GNG7: variants seen among roughly 807,000 people sequenced by gnomAD.
GNG7 encodes the protein guanine nucleotide-binding protein G(I)/G(S)/G(O) subunit gamma-7.
In GNG7, 1 loss-of-function variant was observed where a neutral mutation model predicts 4.0. That is an observed-to-expected ratio of 0.25 (90% CI 0.09 to 1.18). The LOEUF is 1.18. Among genes scored for constraint, GNG7 ranks in the 50% most tolerant of loss-of-function variants. The pLI is 0.50. For missense variants in GNG7, 86 were observed against 91.9 expected (o/e 0.94, Z 0.26); for synonymous variants, 34 against 36.9 (o/e 0.92, Z 0.29).
At chr19:2,696,645 C>T (rs756758931) in intron 1 of GNG7, among the ~76,000 whole-genome samples, 12 of 152,230 alleles carry the variant, frequency 7.9e-5, no homozygotes. Context: ...AGGGTCGAGG[C>T]TCTGACGCAG....
At chr19:2,648,027 C>CAAAA (rs56125421) in intron 1 of GNG7, among the ~76,000 whole-genome samples, 13 of 64,454 alleles carry the variant, frequency 2.0e-4, no homozygotes, top group Non-Finnish European at 2.8e-4. Context: ...GACCCTGTCT[C>CAAAA]AAAAAAAAAA....
intron 2 of GNG7, among the ~76,000 whole-genome samples, chr19:2,638,446 G>GGGGGAGGGAA (rs1982380944): frequency 2.7e-5 from 1 of 36,698 alleles, no homozygotes; most frequent in Non-Finnish European, 6.0e-5. Flanking sequence ...AGGGGAGGGG[G>GGGGGAGGGAA]AGGGGAGGGG....
In GNG7 at chr19:2,634,730, C is replaced by T. The variant is rs1375413997; in HGVS notation, c.-78+11494G>A. Among the ~76,000 whole-genome samples the T allele has an allele frequency of 1.3e-5, 2 of 152,110 alleles. No homozygotes were observed. Among genetic ancestry groups the T allele is most frequent in the African/African-American group, 2.4e-5 (1 of 41,412 alleles). On this transcript the variant is annotated intron_variant, in intron 2 of 4. Coordinates refer to ENST00000382159, the MANE Select transcript of GNG7 (RefSeq NM_052847.3). The surrounding 1 kb of genome is among the most constrained non-coding windows in gnomAD (Gnocchi z 5.3). The stretch of plus-strand genomic sequence containing the variant: ...TGTCCGCGAAAAGAACTGATAATAA[C>T]GTGAATTTCAACACGACCAGGACAT...
In GNG7 at chr19:2,575,081, C is replaced by T. The variant is rs938150649; in HGVS notation, c.-77-19893G>A. ...TTTTTTCTTTTTCTTTCCTTTTTTT[C>T]TTTCTTTCTTTTTTTTTTTTTTAGA... On this transcript the variant is annotated intron_variant, in intron 2 of 4. Coordinates refer to ENST00000382159, the MANE Select transcript of GNG7 (RefSeq NM_052847.3). Among the ~76,000 whole-genome samples the T allele has an allele frequency of 3.3e-4, 43 of 129,198 alleles. No individual in the cohort carries two copies. The East Asian group carries it at 7.9e-3, about 24-fold the overall frequency. The allele number at this position is 129,198 out of a possible 152,430, so 84.8% of individuals were successfully genotyped here.
intron 4 of GNG7, 52 bp downstream of exon 4, chr19:2,520,556 C>T (rs185432826): frequency 6.5e-5 from 65 of 998,514 alleles, no homozygotes; most frequent in East Asian, 5.0e-4. Context: ...TCATCATTTG[C>T]GGGGCCCCCA....
At chr19:2,560,899 G>A (rs925960426) in intron 2 of GNG7, among the ~76,000 whole-genome samples, 1 of 150,432 alleles carries the variant, frequency 6.6e-6, no homozygotes, top group Non-Finnish European at 1.5e-5. Flanking sequence ...GGATGTTGCA[G>A]TGAGCCGAGA....
intron 1 of GNG7, among the ~76,000 whole-genome samples, chr19:2,699,680 A>G (rs1303287922): frequency 1.3e-5 from 2 of 152,198 alleles, no homozygotes; most frequent in Admixed American, 6.5e-5. Context: ...ATATCCGGAG[A>G]CATCTGTGGT....
intron 1 of GNG7, among the ~76,000 whole-genome samples, chr19:2,691,593 G>A (rs58556214): frequency 0.072 from 10,922 of 151,872 alleles, 727 homozygotes; most frequent in African/African-American, 0.17. Context: ...AGAGCCGGGC[G>A]TGGTGGCTCA....
intron 3 of GNG7, among the ~76,000 whole-genome samples, chr19:2,528,628 C>T (rs10403341): frequency 0.013 from 1,988 of 152,242 alleles, 41 homozygotes; most frequent in African/African-American, 0.046. Flanking sequence ...ATGTGAGCCC[C>T]GTTGCATTTG....
At chr19:2,565,495 G>A (rs1306455218) in intron 2 of GNG7, among the ~76,000 whole-genome samples, 7 of 147,786 alleles carry the variant, frequency 4.7e-5, no homozygotes, top group Admixed American at 4.7e-4. Context: ...CTGGGCAATA[G>A]AGAGAGACTC....
intron 1 of GNG7, among the ~76,000 whole-genome samples, chr19:2,699,643 ATC>A: frequency 6.6e-6 from 1 of 152,172 alleles, no homozygotes; most frequent in Non-Finnish European, 1.5e-5. Context: ...ACACTGGAGT[ATC>A]TCTGTCCCTA....
chr19:2,679,675 C>G (rs964301477), intron 1 of GNG7, among the ~76,000 whole-genome samples: 1 of 152,172 alleles, frequency 6.6e-6, no homozygotes, highest in African/African-American at 2.4e-5. Context: ...CAGAACCCTC[C>G]ATGATTCGCC....
intron 2 of GNG7, among the ~76,000 whole-genome samples, chr19:2,581,336 G>C (rs892084301): frequency 7.4e-6 from 1 of 135,864 alleles, no homozygotes; most frequent in Non-Finnish European, 1.6e-5. Context: ...GGGGTGGGGG[G>C]GTGGGGGGCG....
chr19:2,613,581 G>T (rs1207881947), intron 2 of GNG7, among the ~76,000 whole-genome samples: 1 of 152,236 alleles, frequency 6.6e-6, no homozygotes, highest in Non-Finnish European at 1.5e-5. Flanking sequence ...CAGTAGGAGA[G>T]ATGGTCACGG....
At chr19:2,524,375 CAT>C (rs1297584697) in intron 3 of GNG7, among the ~76,000 whole-genome samples, 2 of 152,246 alleles carry the variant, frequency 1.3e-5, no homozygotes, top group Non-Finnish European at 2.9e-5. Flanking sequence ...CAATGATGCA[CAT>C]GTGACTGTAC....
intron 1 of GNG7, among the ~76,000 whole-genome samples, chr19:2,683,136 C>G (rs143045476): frequency 1.3e-5 from 2 of 151,838 alleles, no homozygotes; most frequent in Non-Finnish European, 2.9e-5. Context: ...CTACTCGGGA[C>G]GCTGAGGCAC....
chr19:2,548,950 G>A (rs780069116), intron 3 of GNG7, among the ~76,000 whole-genome samples: 3 of 152,174 alleles, frequency 2.0e-5, no homozygotes, highest in Non-Finnish European at 4.4e-5. Context: ...TTTGCATCCC[G>A]ACAGGTTCAA....
rs563310955 is a variant in GNG7, at chr19:2,648,967, C to T, written c.-134-2687G>A. ...GCAATGGTGTAATCACAGCTCACTGCAGCCTCCACCTCCTGGGCTCAAGCG... is the reference window on the plus strand; with the variant it reads ...GCAATGGTGTAATCACAGCTCACTGTAGCCTCCACCTCCTGGGCTCAAGCG... On this transcript the variant is annotated intron_variant, in intron 1 of 4. Coordinates refer to ENST00000382159, the MANE Select transcript of GNG7 (RefSeq NM_052847.3). Among the ~76,000 whole-genome samples the T allele has an allele frequency of 1.6e-4, 24 of 152,014 alleles. No homozygotes were observed. In the Middle Eastern group the frequency reaches 0.01, roughly 65 times the overall value.
intron 1 of GNG7, among the ~76,000 whole-genome samples, chr19:2,666,392 T>C (rs149364802): frequency 0.015 from 2,289 of 152,134 alleles, 60 homozygotes; most frequent in African/African-American, 0.053. Context: ...AGGCTGGTCT[T>C]AAACTCTTGA....
Sources: allele counts gnomAD v4.1 joint callset (sites outside exome capture counted in the v4.1 genomes callset), GRCh38; gene constraint gnomAD v4.1.1; non-coding constraint Gnocchi (gnomAD v3.1); transcripts MANE v1.5; gene names NCBI Gene and HGNC (gene_info 2026-07-23, HGNC 2026-07-21).